The following NCOR2 variants were observed in gnomAD, a reference collection of about 807,000 sequenced individuals.
NCOR2 encodes CTG repeat protein 26.
NCOR2 carries 81 observed loss-of-function variants against 262.9 expected under a neutral mutation model. The ratio of observed to expected loss-of-function variants is 0.31; its 90% confidence interval spans 0.26 to 0.37. The LOEUF (loss-of-function observed/expected upper bound fraction) is 0.37, where lower values mean the gene tolerates loss of function less well. Among genes scored for constraint, NCOR2 ranks in the 10% least tolerant of loss-of-function variants. The pLI is 1.00. For synonymous variants in NCOR2, 1,659 were observed against 1,559.3 expected (o/e 1.06, Z -1.51); for missense variants, 3,385 against 3,621.4 (o/e 0.93, Z 1.68).
chr12:124,353,845 C>T (rs2037718660), intron 27 of NCOR2, among the ~76,000 whole-genome samples: 2 of 152,242 alleles, frequency 1.3e-5, no homozygotes, highest in Admixed American at 6.5e-5. Context: ...CACCAGCCTA[C>T]TTATTTACCC....
intron 1 of NCOR2, among the ~76,000 whole-genome samples, chr12:124,506,638 T>C (rs1404400117): frequency 6.6e-6 from 1 of 151,754 alleles, no homozygotes; most frequent in Non-Finnish European, 1.5e-5. Flanking sequence ...ACATTACGCC[T>C]GGTTCTGCCG....
intron 30 of NCOR2, chr12:124,347,615 G>A (rs1022666382): frequency 3.4e-6 from 2 of 581,854 alleles, no homozygotes; most frequent in Non-Finnish European, 3.1e-6. Flanking sequence ...GGGGTGATCG[G>A]TGGTATTTTG....
exon 32 of NCOR2, chr12:124,344,742 C>T (rs1402034907): frequency 1.7e-5 from 26 of 1,545,620 alleles, no homozygotes; most frequent in East Asian, 7.4e-5. Flanking sequence ...GGGCGCCGCG[C>T]GCAATGGAGC....
chr12:124,493,459 G>C (rs1013966892), intron 1 of NCOR2, among the ~76,000 whole-genome samples: 1 of 152,220 alleles, frequency 6.6e-6, no homozygotes, highest in Non-Finnish European at 1.5e-5. Flanking sequence ...CCCCTCGTGA[G>C]AATCTAGGAG....
At chr12:124,361,977 T>A (rs560535068) in intron 22 of NCOR2, 149 bp downstream of exon 24, 1 of 680,406 alleles carries the variant, frequency 1.5e-6, no homozygotes, top group South Asian at 7.9e-5. Context: ...CCCAACTGCC[T>A]CCCCCTGCTC....
intron 1 of NCOR2, among the ~76,000 whole-genome samples, chr12:124,562,650 G>C (rs140564271): frequency 8.0e-4 from 122 of 152,316 alleles, no homozygotes; most frequent in African/African-American, 2.7e-3. Context: ...GCAGGGAGCT[G>C]AGCACATTTG....
rs1400965146 is a variant in NCOR2, at chr12:124,495,004, C to G, written c.105+143G>C. The G allele has an allele frequency of 3.1e-6, 3 of 958,826 alleles. No homozygotes were observed. The highest frequency in any genetic ancestry group is 4.5e-6 in the Non-Finnish European group (3 of 662,284). The allele number at this position is 958,826 out of a possible 1,614,324, so 59.4% of individuals were successfully genotyped here. On this transcript the variant is annotated intron_variant, in intron 1 of 46. Transcript: ENST00000405201. This position sits in a 1 kb window ranked among gnomAD's most constrained non-coding sequence, Gnocchi z 4.4. ...GGAAAAGGCTTCAGACACCAGGGGTCTCTGTGGCGGCCTCCCCTCTGCCCT... is the reference window on the plus strand; with the variant it reads ...GGAAAAGGCTTCAGACACCAGGGGTGTCTGTGGCGGCCTCCCCTCTGCCCT...
chr12:124,561,019 G>A (rs1193119085), intron 1 of NCOR2, among the ~76,000 whole-genome samples: 1 of 152,238 alleles, frequency 6.6e-6, no homozygotes, highest in African/African-American at 2.4e-5. Context: ...GCAGATAGGT[G>A]TCTTTTGCAG....
chr12:124,515,832 C>T (rs919722760), intron 1 of NCOR2, among the ~76,000 whole-genome samples: 1 of 152,134 alleles, frequency 6.6e-6, no homozygotes, highest in African/African-American at 2.4e-5. Flanking sequence ...GTGTTCTTAT[C>T]ACATGTGCAG....
In NCOR2 at chr12:124,389,272, G is replaced by C. The variant is rs1037480149; in HGVS notation, c.1877-3385C>G. On this transcript the variant is annotated intron_variant, in intron 16 of 46. Coordinates refer to ENST00000405201, the Ensembl canonical transcript of NCOR2. This position sits in a 1 kb window ranked among gnomAD's most constrained non-coding sequence, Gnocchi z 4.4. ...CAGGGCAGCCGTGTCCCCCGCAGCC[G>C]GGCTCAGCTCTGATCTTCTTGCTGC... Among the ~76,000 whole-genome samples the C allele has an allele frequency of 6.6e-6, 1 of 152,144 alleles. No homozygotes were observed. Among genetic ancestry groups the C allele is most frequent in the African/African-American group, 2.4e-5 (1 of 41,442 alleles).
At chr12:124,372,136 CCCT>C (rs769432459) in exon 20 of NCOR2, 1 of 1,601,816 alleles carries the variant, frequency 6.2e-7, no homozygotes, top group Non-Finnish European at 8.5e-7. Flanking sequence ...GCCGCTCCCG[CCCT>C]CCTTCTTCTC....
At chr12:124,494,196 G>C (rs1385870542) in intron 1 of NCOR2, among the ~76,000 whole-genome samples, 1 of 152,022 alleles carries the variant, frequency 6.6e-6, no homozygotes, top group African/African-American at 2.4e-5. Context: ...TCACAAGAGG[G>C]GACCACACCA....
At chr12:124,554,313 C>T (rs2051814178) in intron 1 of NCOR2, among the ~76,000 whole-genome samples, 1 of 152,184 alleles carries the variant, frequency 6.6e-6, no homozygotes, top group South Asian at 2.1e-4. Flanking sequence ...AGGCTCCGTG[C>T]CCTCCCCATG....
intron 13 of NCOR2, among the ~76,000 whole-genome samples, chr12:124,402,787 C>T (rs1166787420): frequency 1.3e-5 from 2 of 152,056 alleles, no homozygotes; most frequent in African/African-American, 4.8e-5. Context: ...GAGGCGGAGT[C>T]GGGGTGAGGG....
At chr12:124,358,392 G>C (rs910372893) in intron 22 of NCOR2, among the ~76,000 whole-genome samples, 2 of 151,908 alleles carry the variant, frequency 1.3e-5, no homozygotes, top group African/African-American at 4.8e-5. Flanking sequence ...ACGTGCACGT[G>C]CATGTGTGTG....
At chr12:124,356,731 G>A in exon 23 of NCOR2, 2 of 1,499,052 alleles carry the variant, frequency 1.3e-6, no homozygotes, top group Non-Finnish European at 1.8e-6. Flanking sequence ...GGGCAGGCCG[G>A]AAGTCCAGCA....
At chr12:124,404,263 G>A (rs34583564) in intron 13 of NCOR2, among the ~76,000 whole-genome samples, 28,089 of 152,184 alleles carry the variant, frequency 0.18, 2,925 homozygotes, top group African/African-American at 0.26. Context: ...TGGGCTGCCC[G>A]GCATGGATGC....
intron 3 of NCOR2, among the ~76,000 whole-genome samples, chr12:124,475,768 C>A (rs562962920): frequency 3.9e-5 from 6 of 152,360 alleles, no homozygotes; most frequent in Non-Finnish European, 7.3e-5. Flanking sequence ...CAAGGCCACT[C>A]AGCATCCTAC....
rs1490359958 is a variant in NCOR2, at chr12:124,483,785, G to A, written c.234-12C>T. The A allele has an allele frequency of 3.8e-6, 6 of 1,585,914 alleles. No individual in the cohort carries two copies. The South Asian group carries it at 4.6e-5, about 12-fold the overall frequency. ...GGAGCTCCTGGGACCTGCAGGAGGT[G>A]AGGCATCCAACGTCACATAGGAGAT... is the stretch of plus-strand genomic sequence containing the variant. On this transcript the variant is annotated splice_polypyrimidine_tract_variant and intron_variant, in intron 2 of 46. Transcript: ENST00000405201. The surrounding 1 kb of genome is among the most constrained non-coding windows in gnomAD (Gnocchi z 6.3).
Sources: gnomAD v4.1 joint callset for allele counts (sites outside exome capture counted in the v4.1 genomes callset) on GRCh38, gnomAD v4.1.1 for gene constraint, Gnocchi (gnomAD v3.1) non-coding constraint, MANE v1.5 for transcripts, NCBI Gene and HGNC (gene_info 2026-07-23, HGNC 2026-07-21) for gene names.